Variants in PARD3B observed in about 807,000 individuals in gnomAD.
The protein encoded by PARD3B is par-3 family cell polarity regulator beta.
A neutral mutation model predicts 130.2 loss-of-function variants in PARD3B; 103 were observed. That is an observed-to-expected ratio of 0.79 (90% CI 0.67 to 0.93). PARD3B has a LOEUF of 0.93. Among genes scored for constraint, PARD3B ranks in the 40% least tolerant of loss-of-function variants. The pLI is 0.00. For synonymous variants in PARD3B, 583 were observed against 553.2 expected (o/e 1.05, Z -0.76); for missense variants, 1,609 against 1,499.2 (o/e 1.07, Z -1.21).
chr2:204,758,773 C>T (rs142092310), intron 2 of PARD3B, among the ~76,000 whole-genome samples: 351 of 152,242 alleles, frequency 2.3e-3, no homozygotes, highest in Non-Finnish European at 4.1e-3. Flanking sequence ...AAGGATCAAG[C>T]GTGGCATTCT....
rs79110051 is a variant in PARD3B at position 205,556,402 on chromosome 2, T to C, written c.3260+2999T>C. Among the ~76,000 whole-genome samples the C allele has an allele frequency of 4.7e-3, 719 of 152,226 alleles. 5 individuals carry two copies. The highest frequency in any genetic ancestry group is 0.016 in the African/African-American group (650 of 41,552). On this transcript the variant is annotated intron_variant, in intron 22 of 22. Coordinates refer to ENST00000406610, the MANE Select transcript of PARD3B (RefSeq NM_001302769.2). Reference sequence around the variant, plus strand: ...AGCACATGGAGTAGGTGAGGAGCTCTGGTCAAGTGCTTTCATGGAACTCGG... The same window carrying C: ...AGCACATGGAGTAGGTGAGGAGCTCCGGTCAAGTGCTTTCATGGAACTCGG...
intron 2 of PARD3B, among the ~76,000 whole-genome samples, chr2:204,952,943 G>A (rs531649288): frequency 2.4e-4 from 36 of 150,370 alleles, no homozygotes; most frequent in African/African-American, 8.1e-4. Flanking sequence ...CTTGCAGTGA[G>A]CTGAGATCTT....
intron 20 of PARD3B, among the ~76,000 whole-genome samples, chr2:205,498,501 CA>C (rs757837391): frequency 0.023 from 3,073 of 136,298 alleles, 24 homozygotes; most frequent in African/African-American, 0.026. Flanking sequence ...GACTCCATCT[CA>C]AAAAAAAAAA....
At chr2:205,372,306 C>A (rs978850638) in intron 18 of PARD3B, among the ~76,000 whole-genome samples, 3 of 152,168 alleles carry the variant, frequency 2.0e-5, no homozygotes, top group African/African-American at 7.2e-5. Context: ...TTATCTACAT[C>A]CTCACAAACA....
In PARD3B at chr2:205,459,780, T is replaced by C. The variant is rs146803093; in HGVS notation, c.3044+19108T>C. Among the ~76,000 whole-genome samples the C allele has an allele frequency of 2.0e-5, 3 of 152,274 alleles. No homozygotes were observed. The East Asian group carries it at 5.8e-4, about 29-fold the overall frequency. On this transcript the variant is annotated intron_variant, in intron 20 of 22. Coordinates refer to ENST00000406610, the MANE Select transcript of PARD3B (RefSeq NM_001302769.2). ...ACGTTTAGCAACAGGAAGGATGGGTTTGCTTCCTTCTCTCGTGGCTCATGT... is the reference window on the plus strand; with the variant it reads ...ACGTTTAGCAACAGGAAGGATGGGTCTGCTTCCTTCTCTCGTGGCTCATGT...
chr2:205,418,793 C>T (rs1419102748), intron 19 of PARD3B, among the ~76,000 whole-genome samples: 1 of 152,016 alleles, frequency 6.6e-6, no homozygotes, highest in African/African-American at 2.4e-5. Context: ...AGGGTGTTTT[C>T]CATTATAGTT....
chr2:204,902,042 C>A (rs976857910), intron 2 of PARD3B, among the ~76,000 whole-genome samples: 18 of 152,306 alleles, frequency 1.2e-4, no homozygotes, highest in Admixed American at 1.1e-3. Context: ...CCCGGAGCTG[C>A]ACTGCCTGGG....
At chr2:205,478,404 C>T (rs575573548) in intron 20 of PARD3B, among the ~76,000 whole-genome samples, 1 of 152,314 alleles carries the variant, frequency 6.6e-6, no homozygotes, top group Admixed American at 6.5e-5. Context: ...TAGAGCATCA[C>T]ATTGAGTGGG....
chr2:204,998,358 A>ATATATATATATATATATG (rs1400529301), intron 3 of PARD3B, among the ~76,000 whole-genome samples: 1 of 69,874 alleles, frequency 1.4e-5, no homozygotes, highest in East Asian at 3.0e-4. Context: ...ATATATATAT[A>ATATATATATATATATATG]TGTGTGTGTG....
At chr2:205,433,981 T>C (rs150661824) in intron 19 of PARD3B, among the ~76,000 whole-genome samples, 27 of 152,342 alleles carry the variant, frequency 1.8e-4, no homozygotes, top group African/African-American at 6.5e-4. Context: ...TCGTGGATTT[T>C]TGGTAAACAT....
chr2:205,247,327 TAAC>T (rs2039614050), intron 16 of PARD3B, among the ~76,000 whole-genome samples: 1 of 152,212 alleles, frequency 6.6e-6, no homozygotes, highest in South Asian at 2.1e-4. Flanking sequence ...TATATTGCCA[TAAC>T]ATTTTATGTA....
Position 205,405,729 on chromosome 2 carries a change from A to C in PARD3B, c.2741+4606A>C, listed in dbSNP as rs1179029857. ...GGGTTGACAATATGTCCGATGACAG[A>C]ATCAGCAGGAACAATGGACTGAATT... On this transcript the variant is annotated intron_variant, in intron 19 of 22. Coordinates refer to ENST00000406610, the MANE Select transcript of PARD3B (RefSeq NM_001302769.2). The surrounding 1 kb of genome is among the most constrained non-coding windows in gnomAD (Gnocchi z 4.1). Among the ~76,000 whole-genome samples, 1 of 152,256 alleles carries C rather than the reference A, an allele frequency of 6.6e-6. No homozygotes were observed. Among genetic ancestry groups the C allele is most frequent in the Non-Finnish European group, 1.5e-5 (1 of 68,052 alleles).
At chr2:205,487,792 C>T (rs1352022060) in intron 20 of PARD3B, among the ~76,000 whole-genome samples, 1 of 152,162 alleles carries the variant, frequency 6.6e-6, no homozygotes, top group African/African-American at 2.4e-5. Context: ...GATATGTATT[C>T]TTAAAACTCA....
intron 4 of PARD3B, among the ~76,000 whole-genome samples, chr2:205,103,371 G>T (rs1702957522): frequency 6.9e-6 from 1 of 145,508 alleles, no homozygotes. Flanking sequence ...TTTTATTTAT[G>T]TAAAATAAAT....
intron 2 of PARD3B, among the ~76,000 whole-genome samples, chr2:204,909,117 A>C (rs1575276476): frequency 2.6e-5 from 4 of 152,282 alleles, no homozygotes; most frequent in Admixed American, 2.6e-4. Flanking sequence ...TGCAGTAAGG[A>C]ACCATGCAGA....
intron 1 of PARD3B, among the ~76,000 whole-genome samples, chr2:204,657,649 G>A (rs192813050): frequency 6.6e-6 from 1 of 152,232 alleles, no homozygotes; most frequent in East Asian, 1.9e-4. Flanking sequence ...CAAGCCATAC[G>A]TTTTCAGGTA....
At chr2:204,795,423 C>G (rs1055983703) in intron 2 of PARD3B, among the ~76,000 whole-genome samples, 2 of 152,132 alleles carry the variant, frequency 1.3e-5, no homozygotes, top group Non-Finnish European at 2.9e-5. Context: ...GATGACTGGT[C>G]ACGTTTGAGG....
intron 10 of PARD3B, among the ~76,000 whole-genome samples, chr2:205,136,731 C>T (rs1450410793): frequency 6.6e-6 from 1 of 152,150 alleles, no homozygotes; most frequent in Non-Finnish European, 1.5e-5. Flanking sequence ...CCACCCAAAA[C>T]ATCTTAGCCA....
At chr2:204,935,896 G>A (rs753610035) in intron 2 of PARD3B, among the ~76,000 whole-genome samples, 2 of 152,092 alleles carry the variant, frequency 1.3e-5, no homozygotes, top group Non-Finnish European at 2.9e-5. Context: ...GCTATTGTGA[G>A]GCTTTTTCTT....
Sources: gnomAD v4.1 joint callset for allele counts (sites outside exome capture counted in the v4.1 genomes callset) on GRCh38, gnomAD v4.1.1 for gene constraint, Gnocchi (gnomAD v3.1) non-coding constraint, MANE v1.5 for transcripts, NCBI Gene and HGNC (gene_info 2026-07-23, HGNC 2026-07-21) for gene names.